The following CORO2B variants were observed in gnomAD, a reference collection of about 807,000 sequenced individuals.
The protein encoded by CORO2B is coronin 2B.
In CORO2B, 26 loss-of-function variants were observed where a neutral mutation model predicts 58.8. The ratio of observed to expected loss-of-function variants is 0.44; its 90% CI spans 0.32 to 0.61. The LOEUF (loss-of-function observed/expected upper bound fraction) is 0.61. Ranked by LOEUF, CORO2B falls within the 20% of genes least tolerant of loss-of-function variation. The pLI is 0.04. For synonymous variants in CORO2B, 242 were observed against 253.8 expected (o/e 0.95, Z 0.44); for missense variants, 460 against 645.1 (o/e 0.71, Z 3.11).
At chr15:68,708,024 A>G (rs931350491) in intron 3 of CORO2B, among the ~76,000 whole-genome samples, 1 of 152,128 alleles carries the variant, frequency 6.6e-6, no homozygotes, top group Non-Finnish European at 1.5e-5. Context: ...GGGGATGACA[A>G]TGGGGATGGG....
rs560030926 is a variant in CORO2B, at chr15:68,706,671, A to G, written c.334-4061A>G. ...TAGAGCTTCCTACTCAAGTGCAGAC[A>G]AGGGTAGCCGGTAGACATGAGAAAA... On this transcript the variant is annotated intron_variant, in intron 3 of 11. Transcript: ENST00000261861. Among the ~76,000 whole-genome samples the G allele has an allele frequency of 5.6e-4, 86 of 152,314 alleles. 3 individuals are homozygous for G. The highest frequency in any genetic ancestry group is 1.0e-4 in the Non-Finnish European group (7 of 68,020).
the CORO2B span, among the ~76,000 whole-genome samples, chr15:68,558,192 G>C: frequency 6.6e-6 from 1 of 152,144 alleles, no homozygotes; most frequent in African/African-American, 2.4e-5. Flanking sequence ...CTGACCCGCT[G>C]CAGGACTACA....
At chr15:68,600,544 C>G (rs928402329) in intron 1 of CORO2B, among the ~76,000 whole-genome samples, 41 of 152,318 alleles carry the variant, frequency 2.7e-4, no homozygotes, top group African/African-American at 2.4e-4. Flanking sequence ...TTAACAGCCT[C>G]TCTCTGAACT....
intron 2 of CORO2B, among the ~76,000 whole-genome samples, chr15:68,686,021 TTTTTTTTTTTTTTTTTC>T (rs1850408238): frequency 1.6e-4 from 1 of 6,280 alleles, no homozygotes; most frequent in Admixed American, 8.8e-3. Context: ...CCTACTTCTG[TTTTTTTTTTTTTTTTTC>T]TTTTTTTTTT....
chr15:68,715,124 G>A lies in CORO2B; in HGVS notation c.871-91G>A, dbSNP rs1303880599. The A allele has an allele frequency of 6.2e-6, 7 of 1,135,854 alleles. No individual in the cohort carries two copies. In the South Asian group the frequency reaches 7.4e-5, roughly 12 times the overall value. 70.4% of individuals were successfully genotyped at this position (1,135,854 alleles called of 1,614,324 possible). Reference sequence around the variant, plus strand: ...TTTTTAACTGCCCATGAGGCACAGGGGAGAGCTGTCTTCAGCTGGCTCCTG... The same window carrying A: ...TTTTTAACTGCCCATGAGGCACAGGAGAGAGCTGTCTTCAGCTGGCTCCTG... On this transcript the variant is annotated intron_variant, in intron 7 of 11. Coordinates refer to ENST00000261861, the MANE Select transcript of CORO2B (RefSeq NM_006091.5).
chr15:68,625,270 A>AT (rs112881977), intron 1 of CORO2B, among the ~76,000 whole-genome samples: 14,834 of 149,344 alleles, frequency 0.099, 833 homozygotes, highest in African/African-American at 0.15. Context: ...TCTTCAGCTA[A>AT]TTTTTTTTTT....
At chr15:68,663,133 G>T (rs760687842) in intron 2 of CORO2B, among the ~76,000 whole-genome samples, 5 of 152,126 alleles carry the variant, frequency 3.3e-5, no homozygotes, top group Admixed American at 6.5e-5. Flanking sequence ...TTTACACGAA[G>T]ATCACCAACT....
chr15:68,610,933 G>A (rs951866246), intron 1 of CORO2B, among the ~76,000 whole-genome samples: 4 of 152,150 alleles, frequency 2.6e-5, no homozygotes, highest in South Asian at 2.1e-4. Context: ...CCACACCCTC[G>A]ACGCAGCCAA....
At chr15:68,625,615 G>GT (rs1048439414) in intron 1 of CORO2B, among the ~76,000 whole-genome samples, 2 of 151,982 alleles carry the variant, frequency 1.3e-5, no homozygotes, top group African/African-American at 4.8e-5. Context: ...CTTGTTTTGG[G>GT]TTTTTTTGAG....
the CORO2B span, among the ~76,000 whole-genome samples, chr15:68,568,128 T>A: frequency 6.6e-6 from 1 of 152,110 alleles, no homozygotes; most frequent in African/African-American, 2.4e-5. Context: ...CCTTGTAGGG[T>A]CAACCTGGGA....
chr15:68,628,395 G>T (rs1281726666), intron 1 of CORO2B, among the ~76,000 whole-genome samples: 1 of 152,208 alleles, frequency 6.6e-6, no homozygotes, highest in Non-Finnish European at 1.5e-5. Context: ...AATAGCGCCT[G>T]CCTCACTGGG....
At chr15:68,644,610 C>A (rs1901362196) in intron 1 of CORO2B, among the ~76,000 whole-genome samples, 3 of 152,156 alleles carry the variant, frequency 2.0e-5, no homozygotes, top group Admixed American at 2.0e-4. Flanking sequence ...TCAGAGATTT[C>A]TGAGGGTGTA....
At chr15:68,559,004 A>T in the CORO2B span, among the ~76,000 whole-genome samples, 8 of 152,138 alleles carry the variant, frequency 5.3e-5, no homozygotes, top group African/African-American at 1.9e-4. This position sits in a 1 kb window ranked among gnomAD's most constrained non-coding sequence, Gnocchi z 4.3. Flanking sequence ...CTACTTTACC[A>T]TCTTCAGTTT....
intron 1 of CORO2B, among the ~76,000 whole-genome samples, chr15:68,598,173 C>G (rs1347116621): frequency 6.6e-6 from 1 of 152,228 alleles, no homozygotes; most frequent in Non-Finnish European, 1.5e-5. Flanking sequence ...GGCTGAAGCT[C>G]AGTGCCCTGG....
At chr15:68,622,862 T>C (rs1254594050) in intron 1 of CORO2B, among the ~76,000 whole-genome samples, 1 of 152,224 alleles carries the variant, frequency 6.6e-6, no homozygotes, top group Admixed American at 6.5e-5. Flanking sequence ...TTGAACAGAC[T>C]GGGAAACAGG....
chr15:68,686,412 T>C (rs1902980261), intron 2 of CORO2B, among the ~76,000 whole-genome samples: 2 of 152,116 alleles, frequency 1.3e-5, no homozygotes, highest in Admixed American at 1.3e-4. Context: ...GAAGCCAGCA[T>C]AGCAGAGATG....
At chr15:68,530,095 C>A in the CORO2B span, among the ~76,000 whole-genome samples, 1 of 152,080 alleles carries the variant, frequency 6.6e-6, no homozygotes, top group East Asian at 1.9e-4. Context: ...GAGGCCGAGG[C>A]GGGTGGATCA....
chr15:68,670,092 T>G (rs779536626), intron 2 of CORO2B, among the ~76,000 whole-genome samples: 23 of 151,960 alleles, frequency 1.5e-4, no homozygotes, highest in Non-Finnish European at 2.8e-4. Context: ...AAAGAAAAAT[T>G]TAAAAATTTT....
intron 2 of CORO2B, among the ~76,000 whole-genome samples, chr15:68,659,208 A>G (rs143581781): frequency 2.0e-5 from 3 of 152,262 alleles, no homozygotes; most frequent in Non-Finnish European, 4.4e-5. Context: ...AAAATTATTT[A>G]TATGTACATA....
Sources: allele counts gnomAD v4.1 joint callset (sites outside exome capture counted in the v4.1 genomes callset), GRCh38; gene constraint gnomAD v4.1.1; non-coding constraint Gnocchi (gnomAD v3.1); transcripts MANE v1.5; gene names NCBI Gene and HGNC (gene_info 2026-07-23, HGNC 2026-07-21).